Variants in ACSL1 observed in about 807,000 individuals in gnomAD.
The protein encoded by ACSL1 is long-chain-fatty-acid--CoA ligase 1.
Under a neutral mutation model 98.4 loss-of-function variants are expected in ACSL1, and 41 were observed. The observed-to-expected ratio is 0.42, with a 90% CI of 0.32 to 0.54. ACSL1 has a LOEUF of 0.54. ACSL1 is among the 20% of genes least tolerant of loss of function. The pLI, the probability that ACSL1 is intolerant of heterozygous loss-of-function variation, is 0.13. For missense variants in ACSL1, 734 were observed against 883.1 expected (o/e 0.83, Z 2.14); for synonymous variants, 316 against 322.7 (o/e 0.98, Z 0.22).
At position 184,803,607 on chromosome 4, in the gene ACSL1, C is replaced by A. The variant is rs7691497; in HGVS notation, c.-32-61G>T. 3.5e-3 allele frequency: 4,206 copies of A among 1,190,478 alleles called. 123 individuals carry two copies. In the African/African-American group the frequency reaches 0.058, roughly 16 times the overall value. The allele number at this position is 1,190,478 out of a possible 1,614,324, so 73.7% of individuals were successfully genotyped here. A position where few individuals can be genotyped will look rare whatever the true frequency, so the allele number is the denominator to read the frequency against. ...GAAGCAGGACCCCTCTCCAGAACTC[C>A]AAAATTCCACCGGCCAGCCATCTAA... On this transcript the variant is annotated intron_variant, in intron 1 of 20. Transcript: ENST00000281455. The surrounding 1 kb of genome is among the most constrained non-coding windows in gnomAD (Gnocchi z 4.8).
At chr4:184,790,329 A>C (rs1768130428) in intron 2 of ACSL1, among the ~76,000 whole-genome samples, 1 of 152,228 alleles carries the variant, frequency 6.6e-6, no homozygotes, top group South Asian at 2.1e-4. Flanking sequence ...ATCAAGGAAA[A>C]ATGATGACTA....
At chr4:184,804,485 C>A (rs1404853660) in intron 1 of ACSL1, among the ~76,000 whole-genome samples, 1 of 151,432 alleles carries the variant, frequency 6.6e-6, no homozygotes, top group African/African-American at 2.4e-5. Flanking sequence ...GAGGGTGAGG[C>A]AGGAGAATCG....
At chr4:184,781,332 G>T (rs1766243481) in intron 4 of ACSL1, among the ~76,000 whole-genome samples, 1 of 151,378 alleles carries the variant, frequency 6.6e-6, no homozygotes, top group African/African-American at 2.4e-5. Context: ...AATCATGGCT[G>T]GATGATTAAG....
rs1182643316 is a variant in ACSL1, at chr4:184,825,517, G to A, written c.-33+399C>T. Among the ~76,000 whole-genome samples the A allele has an allele frequency of 6.6e-6, 1 of 151,766 alleles. No individual in the cohort carries two copies. The highest frequency in any genetic ancestry group is 1.5e-5 in the Non-Finnish European group (1 of 67,898). On this transcript the variant is annotated intron_variant, in intron 1 of 20. Coordinates refer to ENST00000281455, the MANE Select transcript of ACSL1 (RefSeq NM_001995.5). This position sits in a 1 kb window ranked among gnomAD's most constrained non-coding sequence, Gnocchi z 4.7. ...CTCTGGGCAGGCGGGGGCCGCGGAC[G>A]AGGGCAACGTCAGCGGCCCAGCTGG...
intron 4 of ACSL1, among the ~76,000 whole-genome samples, chr4:184,781,595 TTTTC>T (rs890207427): frequency 4.6e-5 from 7 of 152,104 alleles, no homozygotes; most frequent in African/African-American, 7.2e-5. Context: ...TTCCTTTTTC[TTTTC>T]TTTGTTTCTT....
chr4:184,796,556 C>T (rs1769400902), intron 2 of ACSL1, among the ~76,000 whole-genome samples: 1 of 152,180 alleles, frequency 6.6e-6, no homozygotes, highest in Non-Finnish European at 1.5e-5. Flanking sequence ...AATTATGTTG[C>T]TATCAAGACC....
intron 1 of ACSL1, among the ~76,000 whole-genome samples, chr4:184,811,312 C>T (rs1325059520): frequency 2.0e-5 from 3 of 151,954 alleles, no homozygotes; most frequent in South Asian, 2.1e-4. Context: ...CGGGGTTTCA[C>T]CGTGTTGGCC....
chr4:184,800,895 C>T (rs1168260734), intron 2 of ACSL1, among the ~76,000 whole-genome samples: 1 of 152,214 alleles, frequency 6.6e-6, no homozygotes, highest in Non-Finnish European at 1.5e-5. Context: ...CTCTGTTGCC[C>T]AGGCTGGAGT....
chr4:184,814,290 CAA>C (rs61541962), intron 1 of ACSL1, among the ~76,000 whole-genome samples: 83 of 64,520 alleles, frequency 1.3e-3, no homozygotes, highest in Middle Eastern at 9.8e-3. Flanking sequence ...GACTCCGCCT[CAA>C]AAAAAAAAAA....
At chr4:184,765,034 A>G in intron 14 of ACSL1, 109 bp from the exon 15 acceptor site, 1 of 1,092,298 alleles carries the variant, frequency 9.2e-7, no homozygotes, top group Admixed American at 2.4e-5. Context: ...CTGACTGGTG[A>G]AATCTCATTT....
intron 1 of ACSL1, among the ~76,000 whole-genome samples, chr4:184,824,260 G>A (rs537461402): frequency 6.6e-6 from 1 of 152,122 alleles, no homozygotes; most frequent in South Asian, 2.1e-4. Flanking sequence ...CGAGTAGCTG[G>A]GACTAGAGAT....
rs569855955 is a variant in ACSL1 at position 184,816,950 on chromosome 4, C to T, written c.-33+8966G>A. On this transcript the variant is annotated intron_variant, in intron 1 of 20. Coordinates refer to ENST00000281455, the MANE Select transcript of ACSL1 (RefSeq NM_001995.5). ...ATACTTAATTATCATGCAAGAAAAA[C>T]GCCCATATATTCAATTTGCAAATAT... is the stretch of plus-strand genomic sequence containing the variant. Among the ~76,000 whole-genome samples the T allele has an allele frequency of 5.9e-5, 9 of 152,212 alleles. No homozygotes were observed. The South Asian group carries it at 6.2e-4, about 11-fold the overall frequency.
intron 2 of ACSL1, among the ~76,000 whole-genome samples, chr4:184,801,917 C>A (rs1167001498): frequency 2.0e-5 from 3 of 152,266 alleles, no homozygotes; most frequent in African/African-American, 7.2e-5. Context: ...TCATTTCTTA[C>A]AGTTACTGCT....
At chr4:184,780,110 G>A (rs906840827) in intron 5 of ACSL1, among the ~76,000 whole-genome samples, 1 of 152,156 alleles carries the variant, frequency 6.6e-6, no homozygotes, top group Non-Finnish European at 1.5e-5. Context: ...GACCTCTGGT[G>A]ACCCACCCGC....
intron 15 of ACSL1, among the ~76,000 whole-genome samples, chr4:184,764,579 G>A (rs565132818): frequency 3.3e-5 from 5 of 152,112 alleles, no homozygotes; most frequent in Non-Finnish European, 7.4e-5. Context: ...GGAACACAGG[G>A]CCCCTCTCAG....
intron 10 of ACSL1, among the ~76,000 whole-genome samples, chr4:184,772,259 G>A (rs1266089302): frequency 1.3e-5 from 2 of 152,164 alleles, no homozygotes; most frequent in East Asian, 3.8e-4. Flanking sequence ...TGTGAGCCAA[G>A]TAAAGTAAGT....
chr4:184,762,314 G>T, intron 17 of ACSL1, 93 bp downstream of exon 17: 1 of 1,044,346 alleles, frequency 9.6e-7, no homozygotes, highest in Non-Finnish European at 1.5e-6. Flanking sequence ...AATTCAGGGT[G>T]CCACTGCCAC....
chr4:184,764,948 A>G, intron 14 of ACSL1, 23 bp from the exon 15 acceptor site: 3 of 1,608,046 alleles, frequency 1.9e-6, no homozygotes, highest in Non-Finnish European at 2.6e-6. Context: ...GAGATGCAAC[A>G]TTATTAAGGA....
rs142489458 is a variant in ACSL1 at position 184,812,131 on chromosome 4, G to T, written c.-32-8585C>A. ...CTTCTTTATTTGTAACCCCTGTGTG[G>T]TACTTAGCACCTCCTGTCTTACACT... On this transcript the variant is annotated intron_variant, in intron 1 of 20. Coordinates refer to ENST00000281455, the MANE Select transcript of ACSL1 (RefSeq NM_001995.5). The T allele has an allele frequency of 2.0e-4, 193 of 942,160 alleles. 2 individuals carry two copies. In the African/African-American group the frequency reaches 2.9e-3, roughly 14 times the overall value. The allele number at this position is 942,160 out of a possible 1,614,324, so 58.4% of individuals were successfully genotyped here.
Sources: gnomAD v4.1 joint callset for allele counts (sites outside exome capture counted in the v4.1 genomes callset) on GRCh38, gnomAD v4.1.1 for gene constraint, Gnocchi (gnomAD v3.1) non-coding constraint, MANE v1.5 for transcripts, NCBI Gene and HGNC (gene_info 2026-07-23, HGNC 2026-07-21) for gene names.